Variants in UGT1A7 observed in about 807,000 individuals in gnomAD.
UGT1A7 encodes the protein UDP glucuronosyltransferase family 1 member A7, also known as UDP-glucuronosyltransferase 1A7.
In UGT1A7, 33 loss-of-function variants were observed where a neutral mutation model predicts 45.6. That is an observed-to-expected ratio of 0.72 (90% CI 0.55 to 0.97). The LOEUF (loss-of-function observed/expected upper bound fraction) is 0.97, where lower values mean the gene tolerates loss of function less well. UGT1A7 is among the 50% of genes least tolerant of loss of function. UGT1A7 has a pLI of 0.00. For synonymous variants in UGT1A7, 274 were observed against 250.6 expected (o/e 1.09, Z -0.88); for missense variants, 684 against 666.2 (o/e 1.03, Z -0.29).
At chr2:233,766,898 A>T in intron 1 of UGT1A7, 136 bp from the exon 2 acceptor site, 1 of 1,483,786 alleles carries the variant, frequency 6.7e-7, no homozygotes, top group Non-Finnish European at 8.9e-7. Flanking sequence ...ACATATTAAT[A>T]ATTTTTTACT....
intron 1 of UGT1A7, among the ~76,000 whole-genome samples, chr2:233,705,146 AAAAG>A (rs908627125): frequency 7.2e-5 from 11 of 152,126 alleles, no homozygotes; most frequent in African/African-American, 2.2e-4. Flanking sequence ...GAAAAAAAAA[AAAAG>A]AGAGAGAGAG....
chr2:233,705,136 G>GA (rs11336071), intron 1 of UGT1A7, among the ~76,000 whole-genome samples: 93 of 142,638 alleles, frequency 6.5e-4, no homozygotes, highest in East Asian at 1.9e-3. Context: ...GACTTCGTCT[G>GA]AAAAAAAAAA....
intron 1 of UGT1A7, chr2:233,750,737 C>T (rs1464125177): frequency 6.6e-6 from 1 of 151,908 alleles, no homozygotes; most frequent in Non-Finnish European, 1.5e-5. Context: ...AGGGTGCAAA[C>T]CTCAAGCCTT....
chr2:233,717,663 C>T (rs953921301), intron 1 of UGT1A7: 3 of 412,194 alleles, frequency 7.3e-6, no homozygotes, highest in Non-Finnish European at 1.5e-5. Context: ...GAAGCATCAG[C>T]AATCTTGCGA....
chr2:233,681,959 G>T lies in UGT1A7; in HGVS notation c.22G>T (p.Gly8Cys). The T allele has an allele frequency of 6.2e-7, 1 of 1,613,992 alleles. No individual in the cohort carries two copies. Among genetic ancestry groups the T allele is most frequent in the Non-Finnish European group, 8.5e-7 (1 of 1,179,908 alleles). Residue 8 changes from glycine (G) to cysteine (C), a missense_variant, in exon 1 of 5, where the codon GGC (glycine) becomes TGC (cysteine). Transcript: ENST00000373426. MARAGWT[G>C]LLPLYVCLLL... ...TCTGATGGCTCGTGCAGGGTGGACT[G>T]GCCTCCTTCCCCTATATGTGTGTCT...
chr2:233,691,922 G>A (rs1422261800), intron 1 of UGT1A7: 1 of 152,442 alleles, frequency 6.6e-6, no homozygotes, highest in Non-Finnish European at 1.5e-5. Context: ...AGTGGTGGGA[G>A]CGATAAACGT....
intron 1 of UGT1A7, among the ~76,000 whole-genome samples, chr2:233,707,115 T>A (rs2075942162): frequency 6.6e-6 from 1 of 152,098 alleles, no homozygotes; most frequent in Non-Finnish European, 1.5e-5. Flanking sequence ...CCCAAAATAC[T>A]CTGCATTAGG....
At chr2:233,701,658 T>C (rs1262453541) in intron 1 of UGT1A7, among the ~76,000 whole-genome samples, 1 of 152,222 alleles carries the variant, frequency 6.6e-6, no homozygotes, top group East Asian at 1.9e-4. Flanking sequence ...CAGACCACAG[T>C]GCAATCAAAC....
At chr2:233,699,334 C>T (rs775076537) in intron 1 of UGT1A7, among the ~76,000 whole-genome samples, 1 of 152,186 alleles carries the variant, frequency 6.6e-6, no homozygotes, top group Non-Finnish European at 1.5e-5. Flanking sequence ...GAGTTTCATC[C>T]ACCCTAGGGC....
At chr2:233,757,283 G>A (rs1259796690) in intron 1 of UGT1A7, among the ~76,000 whole-genome samples, 1 of 145,382 alleles carries the variant, frequency 6.9e-6, no homozygotes, top group African/African-American at 2.6e-5. Context: ...TGATTCAGAA[G>A]GGACAGCTGG....
Position 233,743,740 on chromosome 2 carries a change from G to C in UGT1A7, c.856-23294G>C, listed in dbSNP as rs370997418. The C allele has an allele frequency of 1.2e-4, 170 of 1,367,378 alleles. 1 individual carries two copies. The highest frequency in any genetic ancestry group is 2.3e-4 in the South Asian group (20 of 88,054). The allele number at this position is 1,367,378 out of a possible 1,614,324, so 84.7% of individuals were successfully genotyped here. ...AGCGGTCATAGATATCGCGTTTCTTGGCGTCCGACAACACCTCGTAGGCCT... is the reference window on the plus strand; with the variant it reads ...AGCGGTCATAGATATCGCGTTTCTTCGCGTCCGACAACACCTCGTAGGCCT... On this transcript the variant is annotated intron_variant, in intron 1 of 4. Coordinates refer to ENST00000373426, the MANE Select transcript of UGT1A7 (RefSeq NM_019077.3).
intron 1 of UGT1A7, chr2:233,741,975 C>T (rs1043950383): frequency 3.3e-5 from 5 of 151,844 alleles, no homozygotes; most frequent in African/African-American, 4.9e-5. Flanking sequence ...TTTATGGTGC[C>T]TCACCCAAAA....
At position 233,772,521 on chromosome 2, in the gene UGT1A7, G is replaced by A. The variant is rs746578451; in HGVS notation, c.1555G>A (p.Gly519Arg). 24 of 1,614,040 alleles carry A rather than the reference G, an allele frequency of 1.5e-5. No individual in the cohort carries two copies. The highest frequency in any genetic ancestry group is 1.7e-6 in the Non-Finnish European group (2 of 1,180,036). ...CTACCGGAAATGCTTGGGGAAAAAA[G>A]GGCGAGTTAAGAAAGCCCACAAATC... ...YGYRKCLGKK[G>R]RVKKAHKSKT... The change falls in exon 5 of 5, where the codon GGG becomes AGG. Residue 519 changes from glycine (G) to arginine (R), a missense_variant. Coordinates refer to ENST00000373426, the MANE Select transcript of UGT1A7 (RefSeq NM_019077.3).
intron 1 of UGT1A7, among the ~76,000 whole-genome samples, chr2:233,683,273 C>A (rs755879410): frequency 5.9e-5 from 9 of 151,828 alleles, no homozygotes; most frequent in Non-Finnish European, 1.2e-4. Flanking sequence ...TTTCTCTTGT[C>A]AATAAGTTAA....
intron 1 of UGT1A7, chr2:233,717,870 G>A (rs909947409): frequency 5.9e-5 from 27 of 454,752 alleles, no homozygotes; most frequent in African/African-American, 4.4e-4. Flanking sequence ...GGATTGACTT[G>A]GAGAAAAGCC....
At position 233,682,551 on chromosome 2, in the gene UGT1A7, A is replaced by C. The variant is rs1349581961; in HGVS notation, c.614A>C (p.Glu205Ala). ...LGFSDAMTFK[E>A]RVWNHIMHLE... is the part of the protein sequence containing the mutation. ...TTCTCAGACGCCATGACTTTCAAGG[A>C]GAGAGTATGGAACCACATCATGCAC... The change falls in exon 1 of 5, where the codon GAG (glutamate) becomes GCG (alanine). Residue 205 changes from glutamate to alanine, a missense_variant. Physicochemically the swap from Glu to Ala is moderately radical, Grantham distance 107. Transcript: ENST00000373426. The C allele has an allele frequency of 1.2e-6, 2 of 1,613,822 alleles. No homozygotes were observed. Among genetic ancestry groups the C allele is most frequent in the African/African-American group, 1.3e-5 (1 of 74,906 alleles).
At chr2:233,705,875 G>A (rs923785055) in intron 1 of UGT1A7, among the ~76,000 whole-genome samples, 2 of 152,126 alleles carry the variant, frequency 1.3e-5, no homozygotes, top group African/African-American at 2.4e-5. Flanking sequence ...ATCACTTGAG[G>A]CCAGGAGTTC....
intron 1 of UGT1A7, among the ~76,000 whole-genome samples, chr2:233,756,964 A>T (rs1482766015): frequency 6.6e-6 from 1 of 152,056 alleles, no homozygotes; most frequent in African/African-American, 2.4e-5. Flanking sequence ...GGCACTTGGT[A>T]AGCACGCAAT....
intron 1 of UGT1A7, chr2:233,756,116 T>G (rs939719556): frequency 6.6e-6 from 1 of 152,230 alleles, no homozygotes; most frequent in Non-Finnish European, 1.5e-5. Flanking sequence ...AGTTTTGACT[T>G]TGTAAAATTC....
Sources: allele counts gnomAD v4.1 joint callset (sites outside exome capture counted in the v4.1 genomes callset), GRCh38; gene constraint gnomAD v4.1.1; transcripts MANE v1.5; gene names NCBI Gene and HGNC (gene_info 2026-07-23, HGNC 2026-07-21).